The following HS3ST3B1 variants were observed in gnomAD, a reference collection of about 807,000 sequenced individuals.
HS3ST3B1 encodes heparan sulfate-glucosamine 3-sulfotransferase 3B1.
A neutral mutation model predicts 21.3 loss-of-function variants in HS3ST3B1; 13 were observed. That is an observed-to-expected ratio of 0.61 (90% CI 0.40 to 0.97). HS3ST3B1 has a LOEUF of 0.97. Ranked by LOEUF, HS3ST3B1 falls within the 50% of genes least tolerant of loss-of-function variation. The probability of loss-of-function intolerance (pLI) is 0.00; values close to 1 mark genes in which losing one functional copy is unlikely to be tolerated. For synonymous variants in HS3ST3B1, 234 were observed against 254.8 expected, an observed-to-expected ratio of 0.92 and a Z score of 0.78; for missense variants, 459 against 554.8, an observed-to-expected ratio of 0.83 and a Z score of 1.73.
intron 1 of HS3ST3B1, among the ~76,000 whole-genome samples, chr17:14,333,033 T>C (rs1910068846): frequency 6.6e-6 from 1 of 151,886 alleles, no homozygotes. Flanking sequence ...ATGAGAATAA[T>C]ACCCATGATG....
In HS3ST3B1 at chr17:14,337,558, G is replaced by C. The variant is rs1038394587; in HGVS notation, c.555-7470G>C. On this transcript the variant is annotated intron_variant, in intron 1 of 1. Transcript: ENST00000360954. ...TCGTCATGTTGGCCAGGCTGGTCTT[G>C]AACTCCTGGCCTCAGGTAATCTGCC... 3.4e-5 allele frequency among the ~76,000 whole-genome samples: 5 copies of C among 148,206 alleles called. No homozygotes were observed. In the South Asian group the frequency reaches 1.1e-3, roughly 32 times the overall value.
Position 14,323,087 on chromosome 17 carries a change from T to G in HS3ST3B1, c.554+21015T>G, listed in dbSNP as rs1056242042. ...TGCCCGGCTAATTTTTTTGTATCTTTTGTAGAGACGGGGTTTCACCATGTT... is the reference window on the plus strand; with the variant it reads ...TGCCCGGCTAATTTTTTTGTATCTTGTGTAGAGACGGGGTTTCACCATGTT... On this transcript the variant is annotated intron_variant, in intron 1 of 1. Transcript: ENST00000360954. Among the ~76,000 whole-genome samples, 19 of 152,140 alleles carry G rather than the reference T, an allele frequency of 1.2e-4. No individual in the cohort carries two copies. In the East Asian group the frequency reaches 2.7e-3, roughly 22 times the overall value.
intron 1 of HS3ST3B1, among the ~76,000 whole-genome samples, chr17:14,326,323 G>A (rs1213119575): frequency 6.6e-6 from 1 of 152,064 alleles, no homozygotes; most frequent in Admixed American, 6.6e-5. Context: ...CCCTGCCAGG[G>A]AGTTTGCAGG....
At chr17:14,334,966 G>C (rs769074935) in intron 1 of HS3ST3B1, among the ~76,000 whole-genome samples, 4 of 152,126 alleles carry the variant, frequency 2.6e-5, no homozygotes, top group Non-Finnish European at 4.4e-5. Flanking sequence ...CTTTGGAGTG[G>C]GGAGGGGGGA....
chr17:14,306,851 G>T (rs570487482), intron 1 of HS3ST3B1, among the ~76,000 whole-genome samples: 3 of 151,778 alleles, frequency 2.0e-5, no homozygotes, highest in South Asian at 2.1e-4. Flanking sequence ...ATCTACATTT[G>T]TATGCAACAA....
rs1289713667 is a variant in HS3ST3B1 at position 14,315,328 on chromosome 17, G to T, written c.554+13256G>T. Among the ~76,000 whole-genome samples, 8 of 152,310 alleles carry T rather than the reference G, an allele frequency of 5.3e-5. No individual in the cohort carries two copies. In the East Asian group the frequency reaches 1.5e-3, roughly 29 times the overall value. On this transcript the variant is annotated intron_variant, in intron 1 of 1. Coordinates refer to ENST00000360954, the MANE Select transcript of HS3ST3B1 (RefSeq NM_006041.3). ...GATGAGCACACAGAGCATGCCGTGT[G>T]CCTCCTGCCATACAATTAGCAACAC...
Position 14,301,312 on chromosome 17 carries a change from G to A in HS3ST3B1, c.-207G>A. ...TCCGTTCCAGTTGCAGCTCCTGCCG[G>A]GCAACATGTCAAGAGCCGCCGCCGC... On this transcript the variant is annotated 5_prime_UTR_variant, in exon 1 of 2. Coordinates refer to ENST00000360954, the MANE Select transcript of HS3ST3B1 (RefSeq NM_006041.3). 2.0e-6 allele frequency: 1 copy of A among 500,662 alleles called. No homozygotes were observed. The highest frequency in any genetic ancestry group is 3.5e-5 in the East Asian group (1 of 28,906). 31.0% of individuals were successfully genotyped at this position (500,662 alleles called of 1,614,324 possible). A position where few individuals can be genotyped will look rare whatever the true frequency, so the allele number is the denominator to read the frequency against.
At chr17:14,305,751 G>A (rs906432338) in intron 1 of HS3ST3B1, among the ~76,000 whole-genome samples, 1 of 152,150 alleles carries the variant, frequency 6.6e-6, no homozygotes, top group East Asian at 1.9e-4. Flanking sequence ...CCGTACGTGT[G>A]TGTGTGTGTA....
At chr17:14,326,544 A>T (rs994082712) in intron 1 of HS3ST3B1, among the ~76,000 whole-genome samples, 1 of 152,198 alleles carries the variant, frequency 6.6e-6, no homozygotes, top group Admixed American at 6.5e-5. Flanking sequence ...TAAGTGGCCC[A>T]ATGGCTGTCT....
chr17:14,325,041 C>T (rs561740935), intron 1 of HS3ST3B1, among the ~76,000 whole-genome samples: 52 of 152,294 alleles, frequency 3.4e-4, no homozygotes, highest in African/African-American at 1.2e-3. Context: ...TGACTATGGA[C>T]CTGATCCACA....
At chr17:14,335,328 C>T (rs1265715142) in intron 1 of HS3ST3B1, among the ~76,000 whole-genome samples, 1 of 151,810 alleles carries the variant, frequency 6.6e-6, no homozygotes, top group African/African-American at 2.4e-5. Context: ...TGGGACATGC[C>T]GATTAGGAGC....
intron 1 of HS3ST3B1, among the ~76,000 whole-genome samples, chr17:14,312,564 C>T (rs761951443): frequency 7.2e-5 from 11 of 152,126 alleles, no homozygotes; most frequent in East Asian, 1.9e-4. Flanking sequence ...TTGATGGTGG[C>T]GGTCTTCAAC....
intron 1 of HS3ST3B1, among the ~76,000 whole-genome samples, chr17:14,335,795 C>T (rs911260746): frequency 6.6e-6 from 1 of 152,042 alleles, no homozygotes; most frequent in Admixed American, 6.6e-5. Context: ...ATTTGGGCAA[C>T]CTTTGGCCCT....
At chr17:14,333,093 G>A (rs916004439) in intron 1 of HS3ST3B1, among the ~76,000 whole-genome samples, 2 of 151,954 alleles carry the variant, frequency 1.3e-5, no homozygotes, top group Admixed American at 6.6e-5. Context: ...AGGAGAAAAT[G>A]ATTGTTCTCG....
At chr17:14,316,923 A>C (rs897627498) in intron 1 of HS3ST3B1, among the ~76,000 whole-genome samples, 2 of 152,240 alleles carry the variant, frequency 1.3e-5, no homozygotes, top group Non-Finnish European at 2.9e-5. Flanking sequence ...AAGCACTCTA[A>C]GCTTGCCATA....
chr17:14,304,085 G>C (rs548852378), intron 1 of HS3ST3B1: 62 of 152,314 alleles, frequency 4.1e-4, no homozygotes, highest in African/African-American at 1.4e-3. Context: ...GCCTGCAGCG[G>C]ACAGCGCAGC....
intron 1 of HS3ST3B1, among the ~76,000 whole-genome samples, chr17:14,341,297 A>C (rs1910374644): frequency 1.3e-5 from 2 of 152,188 alleles, no homozygotes; most frequent in Non-Finnish European, 2.9e-5. Flanking sequence ...AGAATCCAGC[A>C]TTCCTGCACT....
intron 1 of HS3ST3B1, among the ~76,000 whole-genome samples, chr17:14,340,901 C>T (rs1256615742): frequency 1.3e-5 from 2 of 152,098 alleles, no homozygotes; most frequent in Non-Finnish European, 2.9e-5. Context: ...TTTTTCTTGG[C>T]ATCTTGGGAG....
intron 1 of HS3ST3B1, among the ~76,000 whole-genome samples, chr17:14,330,956 G>A (rs1909992497): frequency 6.6e-6 from 1 of 152,072 alleles, no homozygotes; most frequent in Non-Finnish European, 1.5e-5. Context: ...GTCCAAGCAG[G>A]AAAGAGCAGA....
Sources: allele counts gnomAD v4.1 joint callset (sites outside exome capture counted in the v4.1 genomes callset), GRCh38; gene constraint gnomAD v4.1.1; transcripts MANE v1.5; gene names NCBI Gene and HGNC (gene_info 2026-07-23, HGNC 2026-07-21).